WWOX: variants seen among roughly 807,000 people sequenced by gnomAD.
WWOX encodes the protein WW domain containing oxidoreductase.
WWOX carries 69 observed loss-of-function variants against 46.2 expected under a neutral mutation model. The observed-to-expected ratio is 1.49, with a 90% CI of 1.23 to 1.82. The LOEUF (loss-of-function observed/expected upper bound fraction) is 1.82, where lower values mean the gene tolerates loss of function less well. Ranked by LOEUF, WWOX falls within the 40% of genes most tolerant of loss-of-function variation. WWOX has a pLI of 0.00. For missense variants in WWOX, 919 were observed against 542.6 expected (o/e 1.69, Z -6.89); for synonymous variants, 359 against 202.6 (o/e 1.77, Z -6.56).
intron 8 of WWOX, among the ~76,000 whole-genome samples, chr16:79,009,988 C>T (rs564099757): frequency 6.6e-6 from 1 of 152,266 alleles, no homozygotes; most frequent in South Asian, 2.1e-4. Context: ...ACCTCAGTAT[C>T]CTAGGACTTC....
intron 8 of WWOX, among the ~76,000 whole-genome samples, chr16:79,046,870 T>C (rs527655958): frequency 2.0e-5 from 3 of 152,334 alleles, no homozygotes; most frequent in Admixed American, 1.3e-4. Context: ...TTCTTTTCTC[T>C]TCTTCTCGTA....
chr16:78,763,548 T>G (rs1388339890), intron 8 of WWOX, among the ~76,000 whole-genome samples: 1 of 152,212 alleles, frequency 6.6e-6, no homozygotes, highest in East Asian at 1.9e-4. Flanking sequence ...CTGTTCCAAA[T>G]CTCTCAAACT....
intron 6 of WWOX, among the ~76,000 whole-genome samples, chr16:78,417,847 T>G (rs924133609): frequency 1.3e-5 from 2 of 152,176 alleles, no homozygotes; most frequent in Non-Finnish European, 2.9e-5. Context: ...AAACAGGTGT[T>G]GTCAAATAAC....
intron 8 of WWOX, among the ~76,000 whole-genome samples, chr16:79,038,869 A>G (rs1207289531): frequency 2.0e-5 from 3 of 152,218 alleles, no homozygotes; most frequent in Non-Finnish European, 4.4e-5. Flanking sequence ...CTTTTAAATC[A>G]GAAAAATACA....
chr16:78,622,401 G>A (rs1344625638), intron 8 of WWOX, among the ~76,000 whole-genome samples: 1 of 152,150 alleles, frequency 6.6e-6, no homozygotes, highest in Non-Finnish European at 1.5e-5. Context: ...AATTAGTCAG[G>A]CGTGGTAGTG....
At chr16:78,769,794 T>A (rs2050019346) in intron 8 of WWOX, among the ~76,000 whole-genome samples, 1 of 150,718 alleles carries the variant, frequency 6.6e-6, no homozygotes, top group African/African-American at 2.4e-5. Context: ...ATCGCCTGAG[T>A]CCAGGAGTTC....
chr16:78,562,186 T>C (rs372906678), intron 8 of WWOX, among the ~76,000 whole-genome samples: 11 of 152,166 alleles, frequency 7.2e-5, no homozygotes, highest in Non-Finnish European at 1.0e-4. Context: ...TCAAACTGTT[T>C]CGTGGTGGAG....
At chr16:78,745,160 G>A (rs952551231) in intron 8 of WWOX, among the ~76,000 whole-genome samples, 36 of 152,212 alleles carry the variant, frequency 2.4e-4, no homozygotes, top group African/African-American at 8.4e-4. Context: ...CTCTGTCTGT[G>A]AAAGCCAGTG....
At chr16:79,043,250 C>G (rs1369298005) in intron 8 of WWOX, among the ~76,000 whole-genome samples, 3 of 151,976 alleles carry the variant, frequency 2.0e-5, no homozygotes, top group Non-Finnish European at 2.9e-5. Context: ...TGCCAGGAAA[C>G]TTTACAATGA....
intron 8 of WWOX, among the ~76,000 whole-genome samples, chr16:78,651,250 C>G (rs1244952021): frequency 6.6e-6 from 1 of 152,252 alleles, no homozygotes; most frequent in Non-Finnish European, 1.5e-5. Flanking sequence ...CATGCTTAAA[C>G]AAGAAAGGCA....
intron 8 of WWOX, among the ~76,000 whole-genome samples, chr16:78,733,319 A>T (rs895439618): frequency 3.3e-5 from 5 of 152,076 alleles, no homozygotes; most frequent in African/African-American, 9.7e-5. Context: ...GCTGAGTGTG[A>T]TGTTGTGTGT....
intron 8 of WWOX, among the ~76,000 whole-genome samples, chr16:78,975,018 G>C (rs2046543676): frequency 6.6e-6 from 1 of 152,172 alleles, no homozygotes; most frequent in Non-Finnish European, 1.5e-5. Context: ...CTCCTGGTGA[G>C]ACCGTTGTTG....
At chr16:78,828,143 A>G (rs548878381) in intron 8 of WWOX, among the ~76,000 whole-genome samples, 4 of 152,340 alleles carry the variant, frequency 2.6e-5, no homozygotes, top group African/African-American at 9.6e-5. Context: ...AAGTGACAGT[A>G]GGAATGAGAG....
chr16:78,986,028 G>A (rs1458807991), intron 8 of WWOX, among the ~76,000 whole-genome samples: 1 of 152,176 alleles, frequency 6.6e-6, no homozygotes, highest in Non-Finnish European at 1.5e-5. Flanking sequence ...GGCATCCCAG[G>A]GTCAGAATTT....
intron 8 of WWOX, among the ~76,000 whole-genome samples, chr16:78,456,152 C>T (rs1322003389): frequency 6.6e-6 from 1 of 152,164 alleles, no homozygotes; most frequent in Non-Finnish European, 1.5e-5. Context: ...TCCCTGCCAC[C>T]CACAGCCTCT....
intron 6 of WWOX, among the ~76,000 whole-genome samples, chr16:78,389,708 C>T (rs949236727): frequency 1.1e-4 from 17 of 151,980 alleles, no homozygotes; most frequent in Admixed American, 2.6e-4. Flanking sequence ...CTCTTCACGG[C>T]TCCAACTTGA....
intron 8 of WWOX, among the ~76,000 whole-genome samples, chr16:79,124,746 G>T (rs775170241): frequency 4.6e-5 from 7 of 152,144 alleles, no homozygotes; most frequent in Non-Finnish European, 1.0e-4. Flanking sequence ...AAAGTGTTTT[G>T]GTCAAGAGAA....
chr16:78,204,578 C>G (rs1345134094), intron 5 of WWOX, among the ~76,000 whole-genome samples: 1 of 152,132 alleles, frequency 6.6e-6, no homozygotes, highest in Non-Finnish European at 1.5e-5. Flanking sequence ...TTCCCAGCTT[C>G]TGGTAACCAT....
intron 4 of WWOX, among the ~76,000 whole-genome samples, chr16:78,121,818 C>G (rs530181597): frequency 6.6e-6 from 1 of 151,964 alleles, no homozygotes; most frequent in African/African-American, 2.4e-5. Flanking sequence ...CACACCACCA[C>G]TCCCTACTAA....
Sources: gnomAD v4.1 joint callset for allele counts (sites outside exome capture counted in the v4.1 genomes callset) on GRCh38, gnomAD v4.1.1 for gene constraint, MANE v1.5 for transcripts, NCBI Gene and HGNC (gene_info 2026-07-23, HGNC 2026-07-21) for gene names.